Variants in ENTREP1 observed in about 807,000 individuals in gnomAD.
The protein encoded by ENTREP1 is Friedreich ataxia region gene X123.
chr9:69,371,606 T>A, the ENTREP1 span: 1 of 1,603,380 alleles, frequency 6.2e-7, no homozygotes, highest in East Asian at 2.2e-5. Context: ...CCAGGTGTGA[T>A]CTGGTAAGCA....
the ENTREP1 span, among the ~76,000 whole-genome samples, chr9:69,345,651 G>T: frequency 6.6e-6 from 1 of 152,214 alleles, no homozygotes; most frequent in Admixed American, 6.5e-5. Flanking sequence ...CACCCAGACT[G>T]GAATGCAGCG....
chr9:69,334,923 C>A, the ENTREP1 span, among the ~76,000 whole-genome samples: 1 of 151,944 alleles, frequency 6.6e-6, no homozygotes, highest in Admixed American at 6.6e-5. Context: ...CCATGCCCAG[C>A]TAATTTTTTG....
the ENTREP1 span, among the ~76,000 whole-genome samples, chr9:69,343,161 C>T: frequency 5.9e-5 from 9 of 152,160 alleles, no homozygotes; most frequent in Non-Finnish European, 1.2e-4. Context: ...CTTATTAGCC[C>T]TCAGACAAAA....
At chr9:69,387,934 T>C in the ENTREP1 span, 1 of 1,499,458 alleles carries the variant, frequency 6.7e-7, no homozygotes, top group Non-Finnish European at 9.0e-7. Flanking sequence ...GTGTCGTACA[T>C]GACACAATGA....
the ENTREP1 span, chr9:69,391,846 C>T: frequency 2.6e-6 from 4 of 1,516,024 alleles, no homozygotes; most frequent in South Asian, 2.4e-5. Flanking sequence ...AAGGATCCCT[C>T]TCCTCTCTGC....
chr9:69,330,371 CCTCT>C, the ENTREP1 span, among the ~76,000 whole-genome samples: 3 of 152,144 alleles, frequency 2.0e-5, no homozygotes, highest in South Asian at 2.1e-4. Context: ...GTTTTTTACT[CCTCT>C]CTGAGTGCCC....
the ENTREP1 span, chr9:69,385,659 A>G: frequency 7.7e-7 from 1 of 1,305,976 alleles, no homozygotes; most frequent in Non-Finnish European, 9.8e-7. Context: ...CAGCCTGAGT[A>G]AATGTTATTA....
the ENTREP1 span, among the ~76,000 whole-genome samples, chr9:69,359,496 A>G: frequency 3.9e-5 from 6 of 152,196 alleles, no homozygotes; most frequent in African/African-American, 1.4e-4. Context: ...ATGAGATCTC[A>G]TGGTTTTATA....
the ENTREP1 span, among the ~76,000 whole-genome samples, chr9:69,360,302 A>T: frequency 2.0e-5 from 3 of 152,184 alleles, no homozygotes; most frequent in Admixed American, 6.5e-5. Flanking sequence ...TCCAAAGGCA[A>T]TCAGTCACTT....
chr9:69,327,225 A>C, the ENTREP1 span, among the ~76,000 whole-genome samples: 3 of 152,156 alleles, frequency 2.0e-5, no homozygotes, highest in African/African-American at 7.2e-5. Flanking sequence ...TGCCTCATGA[A>C]AAAACGCCAC....
the ENTREP1 span, chr9:69,382,224 G>T: frequency 6.6e-6 from 1 of 152,254 alleles, no homozygotes; most frequent in Non-Finnish European, 1.5e-5. Flanking sequence ...TGCCAGGAAA[G>T]AATCTTCACT....
the ENTREP1 span, chr9:69,383,938 G>A: frequency 6.2e-7 from 1 of 1,611,866 alleles, no homozygotes; most frequent in Non-Finnish European, 8.5e-7. Flanking sequence ...GTTTTTTGCT[G>A]TGATGCAGGG....
chr9:69,372,111 C>A, the ENTREP1 span, among the ~76,000 whole-genome samples: 2 of 152,064 alleles, frequency 1.3e-5, no homozygotes, highest in African/African-American at 4.8e-5. Flanking sequence ...GTTTTCAGAG[C>A]TTTTTGGATT....
chr9:69,336,287 A>T, the ENTREP1 span: 1 of 1,524,372 alleles, frequency 6.6e-7, no homozygotes, highest in South Asian at 1.2e-5. Context: ...CTGATCTTAT[A>T]AATTGCTACC....
chr9:69,365,507 A>C, the ENTREP1 span, among the ~76,000 whole-genome samples: 2 of 152,176 alleles, frequency 1.3e-5, no homozygotes, highest in Admixed American at 6.6e-5. Flanking sequence ...AGTGTTTATC[A>C]TTTCTATGTA....
chr9:69,377,053 TG>T, the ENTREP1 span, among the ~76,000 whole-genome samples: 2 of 152,298 alleles, frequency 1.3e-5, no homozygotes, highest in Non-Finnish European at 1.5e-5. Flanking sequence ...ACTGCTCTCC[TG>T]GAAGGAATGT....
the ENTREP1 span, among the ~76,000 whole-genome samples, chr9:69,364,545 T>C: frequency 6.6e-6 from 1 of 152,154 alleles, no homozygotes; most frequent in Non-Finnish European, 1.5e-5. Flanking sequence ...CTGATGAAGC[T>C]TGAGATACAA....
the ENTREP1 span, chr9:69,383,669 C>T: frequency 8.1e-6 from 13 of 1,613,940 alleles, no homozygotes; most frequent in Admixed American, 3.3e-5. Flanking sequence ...CACACATCTA[C>T]GGAGCTCGAA....
the ENTREP1 span, among the ~76,000 whole-genome samples, chr9:69,351,417 G>T: frequency 6.6e-6 from 1 of 151,912 alleles, no homozygotes; most frequent in Non-Finnish European, 1.5e-5. Flanking sequence ...TGATGATGAT[G>T]ATTGTGATTA....
Sources: allele counts gnomAD v4.1 joint callset (sites outside exome capture counted in the v4.1 genomes callset), GRCh38; gene constraint gnomAD v4.1.1; transcripts MANE v1.5; gene names NCBI Gene and HGNC (gene_info 2026-07-23, HGNC 2026-07-21).